Variants in LRP1B observed in about 807,000 individuals in gnomAD.
The protein encoded by LRP1B is LDL receptor related protein 1B, also known as low-density lipoprotein receptor-related protein 1B.
LRP1B carries 217 observed loss-of-function variants against 556.6 expected under a neutral mutation model. The observed-to-expected ratio is 0.39, with a 90% CI of 0.35 to 0.44. The LOEUF (loss-of-function observed/expected upper bound fraction) is 0.44. LRP1B is among the 20% of genes least tolerant of loss of function. LRP1B has a pLI of 1.00. For missense variants in LRP1B, 5,053 were observed against 5,620.8 expected, an observed-to-expected ratio of 0.90 and a Z score of 3.23; for synonymous variants, 2,047 against 1,865.8, an observed-to-expected ratio of 1.10 and a Z score of -2.50.
chr2:141,012,186 A>G (rs1192912851), intron 14 of LRP1B, among the ~76,000 whole-genome samples: 1 of 152,036 alleles, frequency 6.6e-6, no homozygotes, highest in Non-Finnish European at 1.5e-5. Flanking sequence ...ACAACTCACT[A>G]AAGCAACTGG....
intron 31 of LRP1B, among the ~76,000 whole-genome samples, chr2:140,831,823 A>G (rs1428786400): frequency 6.6e-6 from 1 of 152,212 alleles, no homozygotes. Context: ...TTCAATAGCA[A>G]AATAACTAAT....
At chr2:141,679,454 G>A (rs1355090574) in intron 2 of LRP1B, among the ~76,000 whole-genome samples, 3 of 152,046 alleles carry the variant, frequency 2.0e-5, no homozygotes, top group Non-Finnish European at 4.4e-5. Flanking sequence ...TGATTATAAC[G>A]AGTATTATTT....
intron 66 of LRP1B, among the ~76,000 whole-genome samples, chr2:140,410,879 G>A (rs2105246751): frequency 1.3e-5 from 2 of 152,210 alleles, no homozygotes. Flanking sequence ...AAAGCTGGTT[G>A]CAAGCATTGT....
chr2:141,302,995 A>G (rs924270311), intron 3 of LRP1B, among the ~76,000 whole-genome samples: 1 of 152,088 alleles, frequency 6.6e-6, no homozygotes, highest in Non-Finnish European at 1.5e-5. Flanking sequence ...AATGGTCTTA[A>G]GTACCTGGTA....
At chr2:141,188,980 AG>A (rs1681379852) in intron 6 of LRP1B, among the ~76,000 whole-genome samples, 1 of 152,010 alleles carries the variant, frequency 6.6e-6, no homozygotes, top group Admixed American at 6.6e-5. Context: ...TCTGAGTGTA[AG>A]GCAAATCCTT....
At chr2:141,982,192 G>T (rs778004798) in intron 1 of LRP1B, among the ~76,000 whole-genome samples, 4 of 152,098 alleles carry the variant, frequency 2.6e-5, no homozygotes, top group African/African-American at 7.2e-5. Flanking sequence ...TCCGTAGGTG[G>T]GTAGGTGGAG....
chr2:141,247,599 G>A (rs78730912), intron 4 of LRP1B, among the ~76,000 whole-genome samples: 228 of 152,298 alleles, frequency 1.5e-3, no homozygotes, highest in Non-Finnish European at 2.3e-3. Context: ...ATTTGTGATA[G>A]TCAGGCTAGA....
intron 11 of LRP1B, among the ~76,000 whole-genome samples, chr2:141,046,633 C>G (rs1698878157): frequency 1.3e-5 from 2 of 152,038 alleles, no homozygotes; most frequent in Non-Finnish European, 2.9e-5. Context: ...TAGAGTCGAT[C>G]TCTGTTGTGA....
At chr2:141,072,390 G>T (rs941424910) in intron 7 of LRP1B, among the ~76,000 whole-genome samples, 1 of 151,988 alleles carries the variant, frequency 6.6e-6, no homozygotes, top group South Asian at 2.1e-4. Flanking sequence ...CATAGATATT[G>T]AAATGTCTAC....
At chr2:141,389,697 A>G (rs1018145137) in intron 3 of LRP1B, among the ~76,000 whole-genome samples, 1 of 152,220 alleles carries the variant, frequency 6.6e-6, no homozygotes, top group Non-Finnish European at 1.5e-5. Flanking sequence ...CGAAAAAGCA[A>G]TCTACAGAAG....
intron 52 of LRP1B, 69 bp downstream of exon 52, chr2:140,509,859 T>C (rs926046630): frequency 2.6e-6 from 4 of 1,565,704 alleles, no homozygotes; most frequent in East Asian, 4.5e-5. Context: ...TGGCAAATAC[T>C]ACAAAAACAA....
chr2:141,553,952 T>C (rs903538715), intron 2 of LRP1B, among the ~76,000 whole-genome samples: 11 of 138,440 alleles, frequency 7.9e-5, no homozygotes, highest in Non-Finnish European at 1.4e-4. Flanking sequence ...TCTATATTAA[T>C]AGATATAGAT....
intron 2 of LRP1B, among the ~76,000 whole-genome samples, chr2:141,692,576 T>C (rs1446891548): frequency 6.6e-6 from 1 of 152,006 alleles, no homozygotes; most frequent in Non-Finnish European, 1.5e-5. Flanking sequence ...ATTGCCCCTG[T>C]TCTTAACCTA....
chr2:141,079,411 G>T (rs189586862), intron 7 of LRP1B, among the ~76,000 whole-genome samples: 3 of 152,196 alleles, frequency 2.0e-5, no homozygotes, highest in African/African-American at 4.8e-5. Context: ...GTTAATTGAT[G>T]CATGTGCATT....
intron 18 of LRP1B, among the ~76,000 whole-genome samples, chr2:140,953,783 G>A (rs1318414734): frequency 2.6e-5 from 4 of 151,978 alleles, no homozygotes; most frequent in Non-Finnish European, 5.9e-5. Flanking sequence ...TAGCTATAAG[G>A]CAACTGAAAC....
intron 7 of LRP1B, among the ~76,000 whole-genome samples, chr2:141,150,549 G>A (rs1456126772): frequency 6.6e-6 from 1 of 152,126 alleles, no homozygotes; most frequent in Non-Finnish European, 1.5e-5. Flanking sequence ...CAATTTATAA[G>A]TCCAATTCAT....
chr2:141,914,261 G>A (rs1008082174), intron 1 of LRP1B, among the ~76,000 whole-genome samples: 1 of 152,194 alleles, frequency 6.6e-6, no homozygotes, highest in African/African-American at 2.4e-5. Context: ...CATTACATAT[G>A]TTTTAAAAGA....
At chr2:140,333,793 A>T (rs1680937736) in intron 79 of LRP1B, among the ~76,000 whole-genome samples, 3 of 152,040 alleles carry the variant, frequency 2.0e-5, no homozygotes, top group Admixed American at 2.0e-4. Context: ...GATGGGAAAG[A>T]TATAACTAGG....
rs78772053 is a variant in LRP1B, at chr2:141,561,211, G to T, written c.206-80678C>A. ...CACAGGATTATTTACTATGATATAG[G>T]TTTAGATATGCTATATGCCATTATG... On this transcript the variant is annotated intron_variant, in intron 2 of 90. Transcript: ENST00000389484. Among the ~76,000 whole-genome samples the T allele has an allele frequency of 5.1e-3, 767 of 151,810 alleles. 9 individuals carry two copies. The highest frequency in any genetic ancestry group is 0.018 in the African/African-American group (739 of 41,482).
Sources: gnomAD v4.1 joint callset for allele counts (sites outside exome capture counted in the v4.1 genomes callset) on GRCh38, gnomAD v4.1.1 for gene constraint, MANE v1.5 for transcripts, NCBI Gene and HGNC (gene_info 2026-07-23, HGNC 2026-07-21) for gene names.